The following GRM5 variants were observed in gnomAD, a reference collection of about 807,000 sequenced individuals.
The protein encoded by GRM5 is metabotropic glutamate receptor 5.
Under a neutral mutation model 83.1 loss-of-function variants are expected in GRM5, and 19 were observed. The ratio of observed to expected loss-of-function variants is 0.23; its 90% CI spans 0.16 to 0.34. The LOEUF is 0.34. Among genes scored for constraint, GRM5 ranks in the 10% least tolerant of loss-of-function variants. The pLI, the probability that GRM5 is intolerant of heterozygous loss-of-function variation, is 1.00. For missense variants in GRM5, 1,160 were observed against 1,588.3 expected, an observed-to-expected ratio of 0.73 and a Z score of 4.58; for synonymous variants, 675 against 633.6, an observed-to-expected ratio of 1.07 and a Z score of -0.98.
intron 3 of GRM5, among the ~76,000 whole-genome samples, chr11:88,761,242 G>A (rs1222822465): frequency 6.6e-6 from 1 of 152,064 alleles, no homozygotes; most frequent in African/African-American, 2.4e-5. Context: ...ATCCAAGTAG[G>A]AAGAGAGGAA....
At chr11:88,819,036 AAACTTCC>A (rs1232507293) in intron 3 of GRM5, among the ~76,000 whole-genome samples, 1 of 152,226 alleles carries the variant, frequency 6.6e-6, no homozygotes, top group Non-Finnish European at 1.5e-5. Context: ...ACATTGGTTT[AAACTTCC>A]AGCTCTAGGT....
chr11:88,966,563 T>C (rs1938970389), intron 2 of GRM5, among the ~76,000 whole-genome samples: 3 of 152,158 alleles, frequency 2.0e-5, no homozygotes, highest in African/African-American at 7.2e-5. Context: ...AGCAACTCTA[T>C]ATCCACAAAT....
chr11:88,719,427 T>C (rs368591124), intron 3 of GRM5, among the ~76,000 whole-genome samples: 4 of 152,208 alleles, frequency 2.6e-5, no homozygotes, highest in African/African-American at 9.6e-5. Context: ...AATTACATGG[T>C]GTATATGTAT....
rs1940209659 is a variant in GRM5 at position 88,997,203 on chromosome 11, T to G, written c.661+50009A>C. On this transcript the variant is annotated intron_variant, in intron 2 of 9. Coordinates refer to ENST00000305447, the MANE Select transcript of GRM5 (RefSeq NM_001143831.3). ...TTAGCTGGGCTTTGTGGCAGGTGCC[T>G]GTAATCCCAGCTACTTGGGAGGCTG... Among the ~76,000 whole-genome samples, 2 of 151,710 alleles carry G rather than the reference T, an allele frequency of 1.3e-5. 1 individual carries two copies. Among genetic ancestry groups the G allele is most frequent in the Admixed American group, 1.3e-4 (2 of 15,218 alleles).
intron 4 of GRM5, 141 bp from the exon 5 acceptor site, chr11:88,605,105 G>A: frequency 1.5e-6 from 1 of 659,662 alleles, no homozygotes; most frequent in Admixed American, 2.6e-5. Flanking sequence ...GTAACACTGA[G>A]AAACAGTACC....
At chr11:88,835,386 A>T (rs1240157427) in intron 3 of GRM5, among the ~76,000 whole-genome samples, 1 of 152,226 alleles carries the variant, frequency 6.6e-6, no homozygotes, top group Non-Finnish European at 1.5e-5. Context: ...GTCAATTCTG[A>T]TATTCGGCTG....
At chr11:88,588,603 T>G (rs1266905658) in intron 7 of GRM5, among the ~76,000 whole-genome samples, 1 of 152,142 alleles carries the variant, frequency 6.6e-6, no homozygotes, top group Non-Finnish European at 1.5e-5. Flanking sequence ...TGAAATTTCT[T>G]CTTAGTTATT....
chr11:89,063,654 C>T, intron 1 of GRM5: 1 of 152,202 alleles, frequency 6.6e-6, no homozygotes, highest in Non-Finnish European at 1.5e-5. Context: ...GAGCTGAGGG[C>T]GGCGTGTGCA....
intron 2 of GRM5, among the ~76,000 whole-genome samples, chr11:88,855,510 A>T (rs7934708): frequency 0.41 from 62,446 of 151,546 alleles, 13,022 homozygotes; most frequent in East Asian, 0.5. Context: ...GTAATTTGTA[A>T]TTGCTAAAAA....
chr11:88,937,960 A>G (rs1205953191), intron 2 of GRM5, among the ~76,000 whole-genome samples: 1 of 151,730 alleles, frequency 6.6e-6, no homozygotes, highest in Non-Finnish European at 1.5e-5. Flanking sequence ...ATAAAATGTG[A>G]TTACAAATAT....
intron 3 of GRM5, among the ~76,000 whole-genome samples, chr11:88,836,243 A>G (rs189846019): frequency 7.9e-5 from 12 of 152,340 alleles, no homozygotes; most frequent in East Asian, 7.7e-4. Flanking sequence ...AAACTGTTCA[A>G]TTCTGCTATT....
At chr11:89,051,105 C>T (rs567433775) in intron 1 of GRM5, among the ~76,000 whole-genome samples, 1 of 151,670 alleles carries the variant, frequency 6.6e-6, no homozygotes, top group African/African-American at 2.4e-5. Context: ...ATTTTAAATA[C>T]TTAAAATTAA....
At chr11:89,025,447 A>G (rs1247235173) in intron 2 of GRM5, among the ~76,000 whole-genome samples, 1 of 152,082 alleles carries the variant, frequency 6.6e-6, no homozygotes, top group Non-Finnish European at 1.5e-5. Context: ...GAGTCAATAT[A>G]CTCTACACTC....
intron 4 of GRM5, among the ~76,000 whole-genome samples, chr11:88,612,499 G>T (rs553758190): frequency 6.6e-6 from 1 of 152,196 alleles, no homozygotes; most frequent in East Asian, 1.9e-4. Flanking sequence ...GGGATGGCTG[G>T]GTCAAATGGT....
chr11:88,635,985 T>A (rs1364337457), intron 4 of GRM5, among the ~76,000 whole-genome samples: 1 of 152,242 alleles, frequency 6.6e-6, no homozygotes, highest in Non-Finnish European at 1.5e-5. Flanking sequence ...AATTCATTTT[T>A]CTATAATTCA....
intron 3 of GRM5, among the ~76,000 whole-genome samples, chr11:88,834,988 C>A (rs979243498): frequency 6.6e-6 from 1 of 152,090 alleles, no homozygotes; most frequent in Non-Finnish European, 1.5e-5. Context: ...TTTTTCCCCC[C>A]CTGCAGTTTC....
chr11:89,007,798 G>T (rs905361094), intron 2 of GRM5, among the ~76,000 whole-genome samples: 3 of 152,166 alleles, frequency 2.0e-5, no homozygotes, highest in Non-Finnish European at 2.9e-5. Context: ...AAGGTGAGAA[G>T]TAAAAGAAAG....
chr11:88,557,751 C>CT (rs566146634), intron 8 of GRM5, among the ~76,000 whole-genome samples: 5,280 of 136,546 alleles, frequency 0.039, 195 homozygotes, highest in African/African-American at 0.1. Flanking sequence ...CTTAATCATC[C>CT]TTTTTTTTTT....
chr11:88,693,508 A>C (rs757148422), intron 3 of GRM5, among the ~76,000 whole-genome samples: 1 of 152,164 alleles, frequency 6.6e-6, no homozygotes, highest in Non-Finnish European at 1.5e-5. Context: ...AAAAGTATTC[A>C]CCATAAATAC....
Sources: allele counts gnomAD v4.1 joint callset (sites outside exome capture counted in the v4.1 genomes callset), GRCh38; gene constraint gnomAD v4.1.1; transcripts MANE v1.5; gene names NCBI Gene and HGNC (gene_info 2026-07-23, HGNC 2026-07-21).